The following ACACA variants were observed in gnomAD, a reference collection of about 807,000 sequenced individuals.
ACACA encodes the protein acetyl-CoA carboxylase 1.
Under a neutral mutation model 296.1 loss-of-function variants are expected in ACACA, and 103 were observed. The observed-to-expected ratio is 0.35, with a 90% confidence interval of 0.30 to 0.41. ACACA has a LOEUF of 0.41. Among genes scored for constraint, ACACA ranks in the 10% least tolerant of loss-of-function variants. ACACA has a pLI of 1.00. For missense variants in ACACA, 1,554 were observed against 2,989.7 expected (o/e 0.52, Z 11.20); for synonymous variants, 953 against 1,038.6 (o/e 0.92, Z 1.58).
intron 3 of ACACA, among the ~76,000 whole-genome samples, chr17:37,315,748 T>TC (rs1051227815): frequency 1.3e-5 from 2 of 152,120 alleles, no homozygotes; most frequent in African/African-American, 4.8e-5. Flanking sequence ...CAAACCTTCC[T>TC]CCAGGCATAC....
intron 29 of ACACA, among the ~76,000 whole-genome samples, chr17:37,215,236 C>A (rs983129740): frequency 1.3e-5 from 2 of 152,098 alleles, no homozygotes; most frequent in African/African-American, 4.8e-5. Flanking sequence ...CAGTGGAATC[C>A]GACTTAACTA....
At chr17:37,096,131 G>A (rs1278747409) in intron 54 of ACACA, among the ~76,000 whole-genome samples, 2 of 152,200 alleles carry the variant, frequency 1.3e-5, no homozygotes, top group Non-Finnish European at 2.9e-5. Flanking sequence ...ATCACAACCT[G>A]TTAGGCTTCT....
intron 39 of ACACA, among the ~76,000 whole-genome samples, chr17:37,186,676 A>C (rs555721002): frequency 1.3e-5 from 2 of 152,218 alleles, no homozygotes; most frequent in South Asian, 4.2e-4. Flanking sequence ...TCTGTAGAAG[A>C]CCTCTTCCTT....
Position 37,259,340 on chromosome 17 carries a change from C to T in ACACA, c.1500+20G>A, listed in dbSNP as rs766523049. Reference sequence around the variant, plus strand: ...TCTCTGACTTTTCTAGGCTCTGCAACCCAGATCAGGGAGACTCACCTGGAG... The same window carrying T: ...TCTCTGACTTTTCTAGGCTCTGCAATCCAGATCAGGGAGACTCACCTGGAG... On this transcript the variant is annotated intron_variant, in intron 12 of 55. Transcript: ENST00000616317. The T allele has an allele frequency of 1.9e-6, 3 of 1,613,930 alleles. No individual in the cohort carries two copies.
At chr17:37,202,739 A>G (rs2078322443) in intron 33 of ACACA, among the ~76,000 whole-genome samples, 1 of 137,314 alleles carries the variant, frequency 7.3e-6, no homozygotes, top group Non-Finnish European at 1.6e-5. Context: ...TTTAACAAGG[A>G]GATGAAAATG....
At chr17:37,188,128 T>C (rs2077607674) in intron 39 of ACACA, 149 bp downstream of exon 39, 1 of 843,236 alleles carries the variant, frequency 1.2e-6, no homozygotes, top group South Asian at 1.5e-5. Context: ...ATGAAGTTTT[T>C]CAAATTCATA....
At chr17:37,189,944 G>A (rs1021535805) in intron 38 of ACACA, among the ~76,000 whole-genome samples, 1 of 151,792 alleles carries the variant, frequency 6.6e-6, no homozygotes, top group Non-Finnish European at 1.5e-5. Flanking sequence ...GGAGTCTGAG[G>A]CAGGAGGATC....
chr17:37,205,160 G>A (rs1407149070), intron 33 of ACACA, among the ~76,000 whole-genome samples: 1 of 152,150 alleles, frequency 6.6e-6, no homozygotes, highest in African/African-American at 2.4e-5. Flanking sequence ...TGGGTAGAGG[G>A]GTAGAATGAA....
intron 41 of ACACA, among the ~76,000 whole-genome samples, chr17:37,171,403 T>TTTGTATC (rs1455122442): frequency 8.5e-5 from 13 of 152,168 alleles, no homozygotes; most frequent in Admixed American, 2.6e-4. Flanking sequence ...CTTTCCCCCT[T>TTTGTATC]TTGTATCTTG....
At chr17:37,145,418 T>A (rs1597964158) in intron 45 of ACACA, among the ~76,000 whole-genome samples, 1 of 152,168 alleles carries the variant, frequency 6.6e-6, no homozygotes, top group Non-Finnish European at 1.5e-5. Context: ...CAGCCTACAG[T>A]TCCTAGAGTT....
chr17:37,223,879 T>C (rs904770558), intron 27 of ACACA, among the ~76,000 whole-genome samples: 2 of 152,270 alleles, frequency 1.3e-5, no homozygotes, highest in African/African-American at 2.4e-5. Flanking sequence ...ATGACTGTTA[T>C]TCTTTTCTGA....
chr17:37,274,553 C>A, intron 8 of ACACA: 3 of 908,860 alleles, frequency 3.3e-6, no homozygotes, highest in Non-Finnish European at 3.9e-6. Context: ...AATGCAAAGA[C>A]GTACAAGATC....
rs556806204 is a variant in ACACA, at chr17:37,153,327, C to T, written c.5448-1906G>A. On this transcript the variant is annotated intron_variant, in intron 43 of 55. Coordinates refer to ENST00000616317, the MANE Select transcript of ACACA (RefSeq NM_198834.3). ...GTAACTATATTGTGTCTCAGGGCACCATGATGAACTCCCAGAAGCACTACA... is the reference window on the plus strand; with the variant it reads ...GTAACTATATTGTGTCTCAGGGCACTATGATGAACTCCCAGAAGCACTACA... Among the ~76,000 whole-genome samples, 21 of 152,188 alleles carry T rather than the reference C, an allele frequency of 1.4e-4. No homozygotes were observed. The East Asian group carries it at 3.9e-3, about 28-fold the overall frequency.
At chr17:37,108,064 C>T (rs908055886) in intron 52 of ACACA, among the ~76,000 whole-genome samples, 5 of 152,164 alleles carry the variant, frequency 3.3e-5, no homozygotes, top group Non-Finnish European at 5.9e-5. Context: ...AATTCTCCTC[C>T]TTGCAATGAC....
At chr17:37,335,880 C>T (rs2048094413) in intron 2 of ACACA, among the ~76,000 whole-genome samples, 1 of 152,012 alleles carries the variant, frequency 6.6e-6, no homozygotes, top group Admixed American at 6.6e-5. Context: ...AGGAAAAATG[C>T]TGTTGTTATG....
intron 3 of ACACA, among the ~76,000 whole-genome samples, chr17:37,301,549 T>C (rs1185364058): frequency 1.3e-5 from 2 of 152,164 alleles, no homozygotes; most frequent in East Asian, 1.9e-4. Flanking sequence ...CTGTTTTACA[T>C]TGGGTTTTTA....
chr17:37,385,603 C>T (rs1215240613), intron 1 of ACACA, among the ~76,000 whole-genome samples: 1 of 152,170 alleles, frequency 6.6e-6, no homozygotes, highest in Non-Finnish European at 1.5e-5. Context: ...ACTAGACACA[C>T]TTGCAGCAGT....
chr17:37,274,292 AC>A lies in ACACA; in HGVS notation c.908del (p.Arg303LeufsTer14). ...AAAAATCATTTTCCTGCCAGTCCAC[AC>A]GAAGACCTGCAACAGACAATAGCAA... Reference protein sequence around the residue: ...PTLPWSGSGLRVDWQENDFSK... With the variant: ...PTLPWSGSGLXVDWQENDFSK... On this transcript the variant is annotated frameshift_variant, in exon 9 of 56. Coordinates refer to ENST00000616317, the MANE Select transcript of ACACA (RefSeq NM_198834.3). LOFTEE classifies it high-confidence loss of function. The A allele has an allele frequency of 6.2e-7, 1 of 1,613,766 alleles. No homozygotes were observed. The highest frequency in any genetic ancestry group is 1.1e-5 in the South Asian group (1 of 91,066).
At chr17:37,375,364 G>A (rs182003912) in intron 1 of ACACA, among the ~76,000 whole-genome samples, 1 of 151,916 alleles carries the variant, frequency 6.6e-6, no homozygotes, top group East Asian at 1.9e-4. Context: ...GTGGGCGCCT[G>A]TAGTCCCACC....
Sources: allele counts gnomAD v4.1 joint callset (sites outside exome capture counted in the v4.1 genomes callset), GRCh38; gene constraint gnomAD v4.1.1; transcripts MANE v1.5; gene names NCBI Gene and HGNC (gene_info 2026-07-23, HGNC 2026-07-21).